HDX: variants seen among roughly 807,000 people sequenced by gnomAD.
HDX encodes the protein highly divergent homeobox.
Under a neutral mutation model 45.2 loss-of-function variants are expected in HDX, and 19 were observed. The observed-to-expected ratio is 0.42, with a 90% CI of 0.29 to 0.62. The LOEUF (loss-of-function observed/expected upper bound fraction) is 0.62. Ranked by LOEUF, HDX falls within the 20% of genes least tolerant of loss-of-function variation. The probability of loss-of-function intolerance (pLI) is 0.20; values close to 1 mark genes in which losing one functional copy is unlikely to be tolerated. For synonymous variants in HDX, 188 were observed against 172.8 expected, an observed-to-expected ratio of 1.09 and a Z score of -0.69; for missense variants, 532 against 493.9, an observed-to-expected ratio of 1.08 and a Z score of -0.73.
chrX:84,411,553 T>C (rs1322202519), intron 5 of HDX, among the ~76,000 whole-genome samples: 1 of 111,687 alleles, frequency 9.0e-6, no homozygotes, highest in Non-Finnish European at 1.9e-5. Flanking sequence ...TTTGATAATT[T>C]TGAATTTGCT....
At chrX:84,454,286 C>T (rs2179203) in intron 4 of HDX, among the ~76,000 whole-genome samples, 47,994 of 110,241 alleles carry the variant, frequency 0.44, 7,713 homozygotes, top group African/African-American at 0.56. Context: ...GTCCCCGATT[C>T]CAGGGCTTGG....
chrX:84,411,464 A>G (rs1350830910), intron 5 of HDX, among the ~76,000 whole-genome samples: 3 of 111,701 alleles, frequency 2.7e-5, no homozygotes, highest in Middle Eastern at 4.6e-3. Flanking sequence ...GTATAATTGT[A>G]TGGTTTTGAG....
rs190412654 is a variant in HDX, at chrX:84,333,007, T to G, written c.1824+752A>C. 4.5e-3 allele frequency among the ~76,000 whole-genome samples: 506 copies of G among 111,672 alleles called. 1 individual carries two copies. Among genetic ancestry groups the G allele is most frequent in the African/African-American group, 0.016 (488 of 30,840 alleles). On this transcript the variant is annotated intron_variant, in intron 9 of 10. Transcript: ENST00000373177. ...TTAAATGTTATTTTCTGTTAACATT[T>G]TAACATTACTAATCTCTGCTTTGAA... is the stretch of plus-strand genomic sequence containing the variant.
At chrX:84,466,663 T>C (rs1351971595) in intron 4 of HDX, among the ~76,000 whole-genome samples, 2 of 112,229 alleles carry the variant, frequency 1.8e-5, no homozygotes, top group South Asian at 3.7e-4. Flanking sequence ...AATTATCCTT[T>C]AGGGAGTGGT....
chrX:84,392,233 C>A (rs1047418756), intron 5 of HDX, among the ~76,000 whole-genome samples: 1 of 111,552 alleles, frequency 9.0e-6, no homozygotes, highest in African/African-American at 3.3e-5. Context: ...TTTAAATATG[C>A]ATATTGATCT....
At chrX:84,494,056 A>C (rs944940478) in intron 1 of HDX, among the ~76,000 whole-genome samples, 1 of 111,688 alleles carries the variant, frequency 9.0e-6, no homozygotes, top group African/African-American at 3.2e-5. Flanking sequence ...ATCAATTTCA[A>C]ATGGATAAAC....
chrX:84,485,433 T>A (rs1361411829), intron 2 of HDX, among the ~76,000 whole-genome samples: 1 of 112,259 alleles, frequency 8.9e-6, no homozygotes, highest in Admixed American at 9.4e-5. Context: ...TAACATAGTC[T>A]CACTCCATCA....
chrX:84,343,356 G>T (rs2037128470), intron 7 of HDX, among the ~76,000 whole-genome samples: 1 of 111,214 alleles, frequency 9.0e-6, no homozygotes, highest in Non-Finnish European at 1.9e-5. Context: ...CAGGGCTCAA[G>T]TGATCCTCTC....
chrX:84,452,547 A>T (rs751007709), intron 4 of HDX, among the ~76,000 whole-genome samples: 1 of 110,745 alleles, frequency 9.0e-6, no homozygotes, highest in South Asian at 3.8e-4. Flanking sequence ...CAAAAAAAAA[A>T]AAAAAGTCAG....
chrX:84,363,571 C>T (rs768060415), intron 5 of HDX, among the ~76,000 whole-genome samples: 2 of 111,860 alleles, frequency 1.8e-5, no homozygotes, highest in Non-Finnish European at 3.8e-5. Flanking sequence ...GGTCTTAGCA[C>T]TAGCAATGCT....
intron 5 of HDX, among the ~76,000 whole-genome samples, chrX:84,369,417 C>G (rs759950403): frequency 1.8e-5 from 2 of 111,791 alleles, no homozygotes; most frequent in Non-Finnish European, 3.8e-5. Context: ...TTTTTAATTC[C>G]TTGGAATATA....
intron 6 of HDX, among the ~76,000 whole-genome samples, chrX:84,356,852 G>C (rs1370059995): frequency 9.0e-6 from 1 of 110,564 alleles, no homozygotes; most frequent in Non-Finnish European, 1.9e-5. Flanking sequence ...TCGATCTCCT[G>C]ACCTGTGATC....
intron 5 of HDX, among the ~76,000 whole-genome samples, chrX:84,408,413 T>C (rs1251625951): frequency 1.8e-5 from 2 of 110,298 alleles, no homozygotes; most frequent in Non-Finnish European, 3.8e-5. Context: ...TTTATATGTC[T>C]ATTTTTGTAC....
At chrX:84,466,948 A>G (rs902996015) in intron 4 of HDX, among the ~76,000 whole-genome samples, 4 of 111,445 alleles carry the variant, frequency 3.6e-5, no homozygotes, top group Non-Finnish European at 7.5e-5. Flanking sequence ...AGCCCTCAAC[A>G]AATGGTAAGT....
At chrX:84,382,014 T>A (rs1006850035) in intron 5 of HDX, among the ~76,000 whole-genome samples, 4 of 111,425 alleles carry the variant, frequency 3.6e-5, no homozygotes, top group Admixed American at 9.6e-5. Flanking sequence ...AAAAATCTAA[T>A]AATCCAATTA....
intron 5 of HDX, among the ~76,000 whole-genome samples, chrX:84,384,860 T>G (rs1038768921): frequency 9.0e-6 from 1 of 110,669 alleles, no homozygotes; most frequent in Non-Finnish European, 1.9e-5. Context: ...TATTTCTGAG[T>G]TTTCTATTCT....
chrX:84,483,905 G>T (rs963282773), intron 2 of HDX, among the ~76,000 whole-genome samples: 1 of 111,255 alleles, frequency 9.0e-6, no homozygotes, highest in Non-Finnish European at 1.9e-5. Context: ...AATACCACCA[G>T]TCTCTGTAGA....
chrX:84,396,974 C>T (rs1210457142), intron 5 of HDX, among the ~76,000 whole-genome samples: 1 of 112,110 alleles, frequency 8.9e-6, no homozygotes, highest in East Asian at 2.8e-4. Flanking sequence ...AGCAGCTGCA[C>T]TGAAGCCTTG....
chrX:84,412,014 G>A (rs1357710259), intron 5 of HDX, among the ~76,000 whole-genome samples: 1 of 111,069 alleles, frequency 9.0e-6, no homozygotes, highest in East Asian at 2.8e-4. Flanking sequence ...CCATTTGCTT[G>A]GTAGATTTTT....
Sources: gnomAD v4.1 joint callset for allele counts (sites outside exome capture counted in the v4.1 genomes callset) on GRCh38, gnomAD v4.1.1 for gene constraint, MANE v1.5 for transcripts, NCBI Gene and HGNC (gene_info 2026-07-23, HGNC 2026-07-21) for gene names.